The following GCNT2 variants were observed in gnomAD, a reference collection of about 807,000 sequenced individuals.
GCNT2 encodes glucosaminyl (N-acetyl) transferase 2 (I blood group).
In GCNT2, 34 loss-of-function variants were observed where a neutral mutation model predicts 34.2. The observed-to-expected ratio is 1.00, with a 90% CI of 0.76 to 1.32. The LOEUF is 1.32. Ranked by LOEUF, GCNT2 falls within the 40% of genes most tolerant of loss-of-function variation. The pLI is 0.00. For missense variants in GCNT2, 584 were observed against 489.4 expected (o/e 1.19, Z -1.82); for synonymous variants, 212 against 188.0 (o/e 1.13, Z -1.04).
At chr6:10,586,000 G>A (rs1303318402) in intron 3 of GCNT2, 1 of 1,613,956 alleles carries the variant, frequency 6.2e-7, no homozygotes, top group Non-Finnish European at 8.5e-7. Context: ...ATGAACTTTT[G>A]GAGGTACTGC....
In GCNT2 at chr6:10,622,742, C is replaced by CTTT. The variant is rs36097125; in HGVS notation, c.1018+1325_1018+1327dup. Among the ~76,000 whole-genome samples, 19 of 74,472 alleles carry CTTT rather than the reference C, an allele frequency of 2.6e-4. 1 individual carries two copies. Among genetic ancestry groups the CTTT allele is most frequent in the Non-Finnish European group, 3.7e-4 (14 of 37,766 alleles). The allele number at this position is 74,472 out of a possible 152,430, so 48.9% of individuals were successfully genotyped here. ...ACTTTGCCTCTACTCCTCAGTCCAT[C>CTTT]TTTTTTTTTTTTTTTTTTTTTTTTT... On this transcript the variant is annotated intron_variant, in intron 4 of 4. Coordinates refer to ENST00000495262, the MANE Select transcript of GCNT2 (RefSeq NM_145649.5).
At chr6:10,573,141 T>G (rs1763628972) in intron 3 of GCNT2, 1 of 961,080 alleles carries the variant, frequency 1.0e-6, no homozygotes, top group South Asian at 4.9e-5. Context: ...GTTCGGAAGA[T>G]ATAAAGGATG....
intron 3 of GCNT2, chr6:10,557,326 A>T: frequency 6.2e-7 from 1 of 1,612,650 alleles, no homozygotes; most frequent in Non-Finnish European, 8.5e-7. Flanking sequence ...TCTGGGTGAC[A>T]CTCAATAGGA....
At chr6:10,596,330 T>C (rs1359310385) in intron 3 of GCNT2, among the ~76,000 whole-genome samples, 1 of 152,124 alleles carries the variant, frequency 6.6e-6, no homozygotes, top group Non-Finnish European at 1.5e-5. Context: ...AAGACCAGCC[T>C]GGCCAACGTG....
At chr6:10,607,384 C>G (rs574879295) in intron 3 of GCNT2, among the ~76,000 whole-genome samples, 2 of 152,190 alleles carry the variant, frequency 1.3e-5, no homozygotes, top group Admixed American at 6.5e-5. Context: ...CGGGGAGATG[C>G]CACACACTTT....
intron 3 of GCNT2, among the ~76,000 whole-genome samples, chr6:10,612,194 C>T (rs1034952929): frequency 6.6e-6 from 1 of 152,086 alleles, no homozygotes; most frequent in African/African-American, 2.4e-5. Context: ...ACCATGTTGG[C>T]CAGGCTGGTC....
In GCNT2 at chr6:10,627,968, T is replaced by G. The variant is rs1356469344; in HGVS notation, c.*1361T>G. The G allele has an allele frequency of 6.6e-6, 1 of 152,616 alleles. No individual in the cohort carries two copies. The highest frequency in any genetic ancestry group is 1.9e-4 in the East Asian group (1 of 5,198). 9.5% of individuals were successfully genotyped at this position (152,616 alleles called of 1,614,324 possible). A position where few individuals can be genotyped will look rare whatever the true frequency, so the allele number is the denominator to read the frequency against. On this transcript the variant is annotated 3_prime_UTR_variant, in exon 5 of 5. Coordinates refer to ENST00000495262, the MANE Select transcript of GCNT2 (RefSeq NM_145649.5). ...ATTTCATTCAAACCTCACAACAGTC[T>G]TGTGAGGCCCTTATATAATTACTCC...
intron 3 of GCNT2, among the ~76,000 whole-genome samples, chr6:10,610,804 T>C (rs1270713448): frequency 1.3e-5 from 2 of 152,278 alleles, no homozygotes; most frequent in East Asian, 3.9e-4. Flanking sequence ...AACTAGAGCC[T>C]AGAAAATTCA....
chr6:10,575,014 A>G (rs1268586514), intron 3 of GCNT2: 8 of 677,238 alleles, frequency 1.2e-5, no homozygotes, highest in East Asian at 8.3e-5. Context: ...AACAATGCCA[A>G]CGGCATGCTG....
At chr6:10,526,597 C>A (rs1761199778) in intron 1 of GCNT2, among the ~76,000 whole-genome samples, 1 of 152,098 alleles carries the variant, frequency 6.6e-6, no homozygotes, top group South Asian at 2.1e-4. Context: ...AGAGATGGGG[C>A]CTGGCTGTGT....
chr6:10,578,381 T>C (rs1034120600), intron 3 of GCNT2, among the ~76,000 whole-genome samples: 1 of 141,092 alleles, frequency 7.1e-6, no homozygotes, highest in African/African-American at 2.7e-5. Context: ...AGTGAGACTC[T>C]GTCTAAAAGT....
intron 3 of GCNT2, among the ~76,000 whole-genome samples, chr6:10,533,973 G>A (rs777700337): frequency 1.1e-4 from 16 of 151,372 alleles, no homozygotes; most frequent in Non-Finnish European, 2.1e-4. Flanking sequence ...GACGTTGGCC[G>A]TCCTCATGTC....
chr6:10,559,344 C>A lies in GCNT2; in HGVS notation c.925+29508C>A, dbSNP rs1465047410. The stretch of plus-strand genomic sequence containing the variant: ...GGTAGAGGAGAGAATGCTACCTTTT[C>A]TTCTCTTTTTTAGGAGAGAGAACAC... On this transcript the variant is annotated intron_variant, in intron 3 of 4. Coordinates refer to ENST00000495262, the MANE Select transcript of GCNT2 (RefSeq NM_145649.5). 2.0e-5 allele frequency among the ~76,000 whole-genome samples: 3 copies of A among 152,130 alleles called. 1 individual carries two copies. In the East Asian group the frequency reaches 5.8e-4, roughly 29 times the overall value.
intron 3 of GCNT2, among the ~76,000 whole-genome samples, chr6:10,599,661 G>T (rs1013770518): frequency 1.3e-5 from 2 of 152,124 alleles, no homozygotes; most frequent in Non-Finnish European, 2.9e-5. Context: ...TCACATCATG[G>T]CTTCTTGTAG....
chr6:10,561,589 C>G (rs1003129496), intron 3 of GCNT2, among the ~76,000 whole-genome samples: 1 of 152,214 alleles, frequency 6.6e-6, no homozygotes, highest in East Asian at 1.9e-4. Context: ...TCTTCCCAGT[C>G]CATTCCCATG....
intron 1 of GCNT2, chr6:10,521,645 T>G (rs1561770781): frequency 6.9e-6 from 1 of 144,592 alleles, no homozygotes; most frequent in Non-Finnish European, 1.6e-5. Context: ...GAGATTTCTG[T>G]TTTCAAAGGT....
intron 3 of GCNT2, among the ~76,000 whole-genome samples, chr6:10,532,825 G>A (rs1390944825): frequency 6.7e-6 from 1 of 149,884 alleles, no homozygotes; most frequent in Non-Finnish European, 1.5e-5. Context: ...GGGTTGTCTT[G>A]TTTAATTATT....
intron 3 of GCNT2, among the ~76,000 whole-genome samples, chr6:10,542,893 C>CTTTTTTTTTTTTT (rs869251646): frequency 2.9e-4 from 24 of 82,246 alleles, no homozygotes; most frequent in Admixed American, 4.2e-4. Flanking sequence ...TATGTTAATT[C>CTTTTTTTTTTTTT]TTTTTTTTTT....
intron 3 of GCNT2, among the ~76,000 whole-genome samples, chr6:10,599,547 G>A (rs1489996686): frequency 2.6e-5 from 4 of 152,194 alleles, no homozygotes; most frequent in African/African-American, 9.7e-5. Flanking sequence ...GTATGAATTA[G>A]ACATGAGGCC....
Sources: allele counts gnomAD v4.1 joint callset (sites outside exome capture counted in the v4.1 genomes callset), GRCh38; gene constraint gnomAD v4.1.1; transcripts MANE v1.5; gene names NCBI Gene and HGNC (gene_info 2026-07-23, HGNC 2026-07-21).